Variants in ERF observed in about 807,000 individuals in gnomAD.
ERF encodes ETS2 repressor factor, also known as ETS domain-containing transcription factor ERF.
A neutral mutation model predicts 41.6 loss-of-function variants in ERF; 10 were observed. That is an observed-to-expected ratio of 0.24 (90% CI 0.15 to 0.41). The LOEUF is 0.41. Among genes scored for constraint, ERF ranks in the 10% least tolerant of loss-of-function variants. The probability of loss-of-function intolerance (pLI) is 1.00; values close to 1 mark genes in which losing one functional copy is unlikely to be tolerated. For missense variants in ERF, 621 were observed against 763.2 expected, an observed-to-expected ratio of 0.81 and a Z score of 2.19; for synonymous variants, 395 against 342.4, an observed-to-expected ratio of 1.15 and a Z score of -1.70.
rs2036366595 is a variant in ERF, at chr19:42,248,356, A to C, written c.*109T>G. The C allele has an allele frequency of 1.1e-6, 1 of 938,956 alleles. No homozygotes were observed. Among genetic ancestry groups the C allele is most frequent in the Non-Finnish European group, 1.4e-6 (1 of 699,674 alleles). The allele number at this position is 938,956 out of a possible 1,614,324, so 58.2% of individuals were successfully genotyped here. The stretch of plus-strand genomic sequence containing the variant: ...AAAATGTGGGGAGGGAAAAGGGAGG[A>C]GGCAGGGAAGAGACAAGAGAGCTGC... On this transcript the variant is annotated 3_prime_UTR_variant, in exon 4 of 4. Transcript: ENST00000222329. This position sits in a 1 kb window ranked among gnomAD's most constrained non-coding sequence, Gnocchi z 4.2.
rs776319104 is a variant in ERF, at chr19:42,248,888, C to G, written c.1224G>C (p.Gly408=). ...CTAGCGCCCCTGCCCCCTCAGCCAGCCCGCCTGCACTGCCACCGCTCTTGT... is the reference window on the plus strand; with the variant it reads ...CTAGCGCCCCTGCCCCCTCAGCCAGGCCGCCTGCACTGCCACCGCTCTTGT... ...GADKSGGSAG[G]LAEGAGALAP... Residue 408 remains glycine, a synonymous_variant, in exon 4 of 4, where the codon GGG becomes GGC. Transcript: ENST00000222329. This position sits in a 1 kb window ranked among gnomAD's most constrained non-coding sequence, Gnocchi z 4.2. 14 of 1,607,254 alleles carry G rather than the reference C, an allele frequency of 8.7e-6. No homozygotes were observed. In the South Asian group the frequency reaches 1.4e-4, roughly 16 times the overall value.
Position 42,249,837 on chromosome 19 carries a change from C to G in ERF, c.363G>C (p.Val121=), listed in dbSNP as rs1555751003. 3 of 1,614,170 alleles carry G rather than the reference C, an allele frequency of 1.9e-6. No individual in the cohort carries two copies. Residue 121 remains valine (V), a synonymous_variant, in exon 3 of 4, where the codon GTG becomes GTC. Coordinates refer to ENST00000222329, the MANE Select transcript of ERF (RefSeq NM_006494.4). The surrounding 1 kb of genome is among the most constrained non-coding windows in gnomAD (Gnocchi z 8.6). The stretch of plus-strand genomic sequence containing the variant: ...ATCCCTGGTACTCACCAGCCAACCC[C>G]ACATCAATGAATGGGTAATTGACCA... ...LVLVNYPFID[V]GLAGGAVPQS...
chr19:42,251,505 C>A, intron 1 of ERF: 16 of 260,824 alleles, frequency 6.1e-5, no homozygotes, highest in Non-Finnish European at 9.2e-5. Flanking sequence ...CAGGGGCCAT[C>A]AATAATTCAG....
At position 42,250,651 on chromosome 19, in the gene ERF, G is replaced by T; in HGVS notation, c.23-86C>A. The T allele has an allele frequency of 7.7e-7, 1 of 1,300,494 alleles. No homozygotes were observed. Among genetic ancestry groups the T allele is most frequent in the Non-Finnish European group, 1.1e-6 (1 of 938,144 alleles). 80.6% of individuals were successfully genotyped at this position (1,300,494 alleles called of 1,614,324 possible). A position where few individuals can be genotyped will look rare whatever the true frequency, so the allele number is the denominator to read the frequency against. ...CCATCCCAGGGTCCACCTCTGCCCT[G>T]CCTTCAACATGGGGAAATCTGTCTC... On this transcript the variant is annotated intron_variant, in intron 1 of 3. Coordinates refer to ENST00000222329, the MANE Select transcript of ERF (RefSeq NM_006494.4). This position sits in a 1 kb window ranked among gnomAD's most constrained non-coding sequence, Gnocchi z 5.1.
chr19:42,248,376 A>G lies in ERF; in HGVS notation c.*89T>C. 3.5e-6 allele frequency: 4 copies of G among 1,144,918 alleles called. No homozygotes were observed. The highest frequency in any genetic ancestry group is 1.6e-5 in the African/African-American group (1 of 63,432). The allele number at this position is 1,144,918 out of a possible 1,614,324, so 70.9% of individuals were successfully genotyped here. ...GGAGGAGGCAGGGAAGAGACAAGAG[A>G]GCTGCCCTCACCTCCAGGGCATAGG... On this transcript the variant is annotated 3_prime_UTR_variant, in exon 4 of 4. Transcript: ENST00000222329. This position sits in a 1 kb window ranked among gnomAD's most constrained non-coding sequence, Gnocchi z 4.2.
At position 42,248,674 on chromosome 19, in the gene ERF, G is replaced by C; in HGVS notation, c.1438C>G (p.Leu480Val). The part of the protein sequence containing the change: ...EAPGASQCMP[L>V]KLRFKRRWSE... Reference sequence around the variant, plus strand: ...CAGCGCCGCTTAAAGCGTAGCTTGAGGGGCATGCACTGGGATGCCCCGGGT... The same window carrying C: ...CAGCGCCGCTTAAAGCGTAGCTTGACGGGCATGCACTGGGATGCCCCGGGT... The change falls in exon 4 of 4, where the codon CTC (leucine) becomes GTC (valine). Residue 480 changes from leucine (L) to valine (V), a missense_variant. Coordinates refer to ENST00000222329, the MANE Select transcript of ERF (RefSeq NM_006494.4). This position sits in a 1 kb window ranked among gnomAD's most constrained non-coding sequence, Gnocchi z 4.2. 3 of 1,607,546 alleles carry C rather than the reference G, an allele frequency of 1.9e-6. No homozygotes were observed. The highest frequency in any genetic ancestry group is 2.6e-6 in the Non-Finnish European group (3 of 1,175,254).
rs748637522 is a variant in ERF at position 42,249,572 on chromosome 19, G to T, written c.540C>A (p.Arg180=). 5 of 1,613,566 alleles carry T rather than the reference G, an allele frequency of 3.1e-6. No homozygotes were observed. Among genetic ancestry groups the T allele is most frequent in the Admixed American group, 3.3e-5 (2 of 60,008 alleles). The change falls in exon 4 of 4, where the codon CGC becomes CGA. Residue 180 remains arginine, a synonymous_variant. Transcript: ENST00000222329. This position sits in a 1 kb window ranked among gnomAD's most constrained non-coding sequence, Gnocchi z 8.6. ...AGTCACTGACTGAGCCTCGGCCCAG[G>T]CGGCGGGCCACCACAGCCGAGAAGA... is the stretch of plus-strand genomic sequence containing the variant. ...SSLFSAVVAR[R]LGRGSVSDCS...
In ERF at chr19:42,253,621, G is replaced by A. The variant is rs117830382; in HGVS notation, c.22+1357C>T. Among the ~76,000 whole-genome samples, 480 of 152,088 alleles carry A rather than the reference G, an allele frequency of 3.2e-3. 7 individuals carry two copies. In the East Asian group the frequency reaches 0.053, roughly 17 times the overall value. Reference sequence around the variant, plus strand: ...CCGGGAGCGAGTGGAAGCCGGGGGAGTGTGTAGGACGCACGTGACTGACCC... The same window carrying A: ...CCGGGAGCGAGTGGAAGCCGGGGGAATGTGTAGGACGCACGTGACTGACCC... On this transcript the variant is annotated intron_variant, in intron 1 of 3. Transcript: ENST00000222329.
chr19:42,249,181 T>C lies in ERF; in HGVS notation c.931A>G (p.Lys311Glu). The C allele has an allele frequency of 6.2e-7, 1 of 1,613,804 alleles. No homozygotes were observed. Among genetic ancestry groups the C allele is most frequent in the Non-Finnish European group, 8.5e-7 (1 of 1,179,882 alleles). ...SHFSFSPEDMKRYLQAHTQSV... is the reference protein window; with the variant it reads ...SHFSFSPEDMERYLQAHTQSV... ...TGGGTGTGGGCCTGCAGGTACCGTT[T>C]CATGTCCTCAGGGCTGAAGGAGAAG... The change falls in exon 4 of 4, where the codon AAA (lysine) becomes GAA (glutamate). Residue 311 changes from lysine to glutamate, a missense_variant. By Grantham distance (56) the Lys-to-Glu change is moderately conservative (BLOSUM62 1). Around this residue, in one of 3 missense-constraint regions of ERF, gnomAD observed 569 missense variants for 625.5 expected, o/e 0.91. Coordinates refer to ENST00000222329, the MANE Select transcript of ERF (RefSeq NM_006494.4). This position sits in a 1 kb window ranked among gnomAD's most constrained non-coding sequence, Gnocchi z 8.6.
At chr19:42,253,787 G>C in intron 1 of ERF, 1 of 681,728 alleles carries the variant, frequency 1.5e-6, no homozygotes, top group Middle Eastern at 9.0e-4. Context: ...GATGGGAATG[G>C]GGTGGGAATG....
At position 42,251,144 on chromosome 19, in the gene ERF, A is replaced by G. The variant is rs2036438980; in HGVS notation, c.23-579T>C. The G allele has an allele frequency of 4.5e-6, 4 of 896,748 alleles. No homozygotes were observed. The African/African-American group carries it at 5.5e-5, about 12-fold the overall frequency. The allele number at this position is 896,748 out of a possible 1,614,324, so 55.5% of individuals were successfully genotyped here. On this transcript the variant is annotated intron_variant, in intron 1 of 3. Coordinates refer to ENST00000222329, the MANE Select transcript of ERF (RefSeq NM_006494.4). ...TTGCCGATGAGGTCAGCGCTTGCAC[A>G]CACAGAGGCTTCTGTCTTCCCTGGA...
intron 1 of ERF, among the ~76,000 whole-genome samples, chr19:42,253,114 T>C (rs968252713): frequency 7.2e-5 from 11 of 151,964 alleles, no homozygotes; most frequent in Non-Finnish European, 1.2e-4. Flanking sequence ...GGGACAAAAC[T>C]CCTGGGCACC....
Position 42,248,923 on chromosome 19 carries a change from C to T in ERF, c.1189G>A (p.Ala397Thr). 6 of 1,606,926 alleles carry T rather than the reference C, an allele frequency of 3.7e-6. No individual in the cohort carries two copies. Among genetic ancestry groups the T allele is most frequent in the Non-Finnish European group, 5.1e-6 (6 of 1,179,698 alleles). ...RQRAAGEKAVAGADKSGGSAG... is the reference protein window; with the variant it reads ...RQRAAGEKAVTGADKSGGSAG... ...CTGCCACCGCTCTTGTCAGCACCGG[C>T]TACGGCCTTCTCCCCAGCTGCCCGC... The change falls in exon 4 of 4, where the codon GCC becomes ACC. Residue 397 changes from alanine to threonine, a missense_variant. Coordinates refer to ENST00000222329, the MANE Select transcript of ERF (RefSeq NM_006494.4). This position sits in a 1 kb window ranked among gnomAD's most constrained non-coding sequence, Gnocchi z 4.2.
chr19:42,250,911 G>A lies in ERF; in HGVS notation c.23-346C>T, dbSNP rs1417966427. Among the ~76,000 whole-genome samples, 2 of 152,068 alleles carry A rather than the reference G, an allele frequency of 1.3e-5. No individual in the cohort carries two copies. Among genetic ancestry groups the A allele is most frequent in the Non-Finnish European group, 2.9e-5 (2 of 68,006 alleles). On this transcript the variant is annotated intron_variant, in intron 1 of 3. Transcript: ENST00000222329. This position sits in a 1 kb window ranked among gnomAD's most constrained non-coding sequence, Gnocchi z 5.1. Reference sequence around the variant, plus strand: ...GGGAGGGGCAGGAAGGGGCACACGTGGCCAGCCGGGTTGGGGTACAGCCCC... The same window carrying A: ...GGGAGGGGCAGGAAGGGGCACACGTAGCCAGCCGGGTTGGGGTACAGCCCC...
At chr19:42,253,783 AATGGGGTGGGAATGGGGTGGGG>A (rs1223069794) in intron 1 of ERF, 3 of 630,302 alleles carry the variant, frequency 4.8e-6, no homozygotes, top group South Asian at 8.3e-5. Flanking sequence ...TGGGGATGGG[AATGGGGTGGGAATGGGGTGGGG>A]ATGGGGTGGG....
chr19:42,252,989 T>A (rs1298257246), intron 1 of ERF, among the ~76,000 whole-genome samples: 1 of 151,612 alleles, frequency 6.6e-6, no homozygotes, highest in East Asian at 1.9e-4. Flanking sequence ...CGAGACAGAG[T>A]GCAGAAGTGG....
chr19:42,254,102 C>A (rs1404913772), intron 1 of ERF, among the ~76,000 whole-genome samples: 1 of 151,542 alleles, frequency 6.6e-6, no homozygotes, highest in African/African-American at 2.4e-5. Flanking sequence ...ATCCCGCTGC[C>A]CCCCGCCCGC....
chr19:42,254,025 C>T, intron 1 of ERF: 4 of 826,912 alleles, frequency 4.8e-6, no homozygotes, highest in Non-Finnish European at 5.9e-6. Flanking sequence ...GCGCAAAGTC[C>T]AGCCCGCGCG....
At chr19:42,252,620 G>C (rs1317968344) in intron 1 of ERF, among the ~76,000 whole-genome samples, 1 of 152,132 alleles carries the variant, frequency 6.6e-6, no homozygotes, top group Non-Finnish European at 1.5e-5. Context: ...TCCAGGGCCT[G>C]GACCCTGGCT....
Sources: allele counts gnomAD v4.1 joint callset (sites outside exome capture counted in the v4.1 genomes callset), GRCh38; gene constraint gnomAD v4.1.1; regional missense constraint gnomAD v4.1.1; non-coding constraint Gnocchi (gnomAD v3.1); transcripts MANE v1.5; gene names NCBI Gene and HGNC (gene_info 2026-07-23, HGNC 2026-07-21).